The following FREM3 variants were observed in gnomAD, a reference collection of about 807,000 sequenced individuals.
The protein encoded by FREM3 is FRAS1 related extracellular matrix 3, also known as FRAS1-related extracellular matrix protein 3.
In FREM3, 105 loss-of-function variants were observed where a neutral mutation model predicts 129.1. The observed-to-expected ratio is 0.81, with a 90% CI of 0.69 to 0.96. The LOEUF is 0.96. Ranked by LOEUF, FREM3 falls within the 40% of genes least tolerant of loss-of-function variation. The probability of loss-of-function intolerance (pLI) is 0.00; values close to 1 mark genes in which losing one functional copy is unlikely to be tolerated. For missense variants in FREM3, 2,593 were observed against 2,666.3 expected, an observed-to-expected ratio of 0.97 and a Z score of 0.61; for synonymous variants, 1,014 against 1,044.9, an observed-to-expected ratio of 0.97 and a Z score of 0.57.
At chr4:143,672,322 A>G (rs1740013120) in intron 2 of FREM3, among the ~76,000 whole-genome samples, 1 of 152,156 alleles carries the variant, frequency 6.6e-6, no homozygotes, top group Non-Finnish European at 1.5e-5. Context: ...CCAGCAAGAG[A>G]CTTTGTTTGG....
chr4:143,609,846 T>C lies in FREM3; in HGVS notation c.6028+1433A>G, dbSNP rs76411638. Among the ~76,000 whole-genome samples, 28 of 152,316 alleles carry C rather than the reference T, an allele frequency of 1.8e-4. No individual in the cohort carries two copies. In the East Asian group the frequency reaches 5.4e-3, roughly 29 times the overall value. On this transcript the variant is annotated intron_variant, in intron 6 of 7. Coordinates refer to ENST00000329798, the MANE Select transcript of FREM3 (RefSeq NM_001168235.2). ...TGTTGGGAAAACAGCAGATACTTTT[T>C]ATAAGATAACGTGAGTAGTGTTTCT...
intron 2 of FREM3, among the ~76,000 whole-genome samples, chr4:143,629,262 G>A (rs1048960903): frequency 3.9e-5 from 6 of 152,132 alleles, no homozygotes; most frequent in African/African-American, 1.4e-4. Context: ...TACCTTGCTA[G>A]TAAGTAAAGG....
In FREM3 at chr4:143,698,350, TA is replaced by T; in HGVS notation, c.2325del (p.Phe775LeufsTer6). 1.3e-6 allele frequency: 2 copies of T among 1,537,884 alleles called. No homozygotes were observed. Among genetic ancestry groups the T allele is most frequent in the Non-Finnish European group, 1.7e-6 (2 of 1,147,056 alleles). On this transcript the variant is annotated frameshift_variant, in exon 1 of 8. Transcript: ENST00000329798. LOFTEE classifies it high-confidence loss of function. ...TDSPDTLIMH[F>X]TQAQVNQHKV... The stretch of plus-strand genomic sequence containing the variant: ...TTATGCTGATTTACCTGGGCTTGGG[TA>T]AAGTGCATGATGAGTGTGTCTGGTG...
At position 143,691,501 on chromosome 4, in the gene FREM3, G is replaced by A. The variant is rs28652990; in HGVS notation, c.5275+1612C>T. ...TTTTGGATTTCTGAACTCCAGAACT[G>A]TAAGATGACAGATTTGCGTTGGCAG... On this transcript the variant is annotated intron_variant, in intron 2 of 7. Transcript: ENST00000329798. 0.038 allele frequency among the ~76,000 whole-genome samples: 5,830 copies of A among 152,244 alleles called. 681 individuals carry two copies. In the East Asian group the frequency reaches 0.46, roughly 12 times the overall value.
At chr4:143,588,070 C>A (rs1469790966) in intron 6 of FREM3, among the ~76,000 whole-genome samples, 1 of 152,140 alleles carries the variant, frequency 6.6e-6, no homozygotes, top group Non-Finnish European at 1.5e-5. Context: ...CAGTTTATCT[C>A]CCACATTCAG....
chr4:143,677,811 A>G (rs2149858206), intron 2 of FREM3, among the ~76,000 whole-genome samples: 1 of 152,348 alleles, frequency 6.6e-6, no homozygotes, highest in South Asian at 2.1e-4. Context: ...ACTGGCCATC[A>G]GAGAAATGCA....
rs550704469 is a variant in FREM3, at chr4:143,591,218, G to GT, written c.6029-5226dup. Reference sequence around the variant, plus strand: ...CTGGATTCATTGATTTTTTTGAAGGGTTTTTTGTGTCTCTATCTCCTTCAG... The same window carrying GT: ...CTGGATTCATTGATTTTTTTGAAGGGTTTTTTTGTGTCTCTATCTCCTTCAG... On this transcript the variant is annotated intron_variant, in intron 6 of 7. Coordinates refer to ENST00000329798, the MANE Select transcript of FREM3 (RefSeq NM_001168235.2). Among the ~76,000 whole-genome samples the GT allele has an allele frequency of 7.5e-3, 1,145 of 152,136 alleles. 12 individuals are homozygous for GT. Among genetic ancestry groups the GT allele is most frequent in the African/African-American group, 0.026 (1,080 of 41,490 alleles).
intron 2 of FREM3, among the ~76,000 whole-genome samples, chr4:143,662,225 T>A (rs1177270509): frequency 1.3e-5 from 2 of 152,218 alleles, no homozygotes; most frequent in African/African-American, 4.8e-5. Context: ...TGTGGGCATT[T>A]AGTGCTACAA....
intron 6 of FREM3, among the ~76,000 whole-genome samples, chr4:143,587,617 C>T (rs1042698524): frequency 5.9e-5 from 9 of 152,138 alleles, no homozygotes; most frequent in East Asian, 1.9e-4. Context: ...GATGCCTCCA[C>T]GGTTGGGACA....
At chr4:143,586,394 C>A (rs1310776987) in intron 6 of FREM3, among the ~76,000 whole-genome samples, 2 of 152,048 alleles carry the variant, frequency 1.3e-5, no homozygotes, top group African/African-American at 4.8e-5. Context: ...AATTGCTCTT[C>A]CTGTGGAGGG....
chr4:143,649,709 A>C (rs1739478329), intron 2 of FREM3, among the ~76,000 whole-genome samples: 1 of 152,190 alleles, frequency 6.6e-6, no homozygotes, highest in African/African-American at 2.4e-5. Flanking sequence ...ATTGCAAATG[A>C]AACTATATTT....
At chr4:143,695,425 C>G in intron 1 of FREM3, 66 bp downstream of exon 1, 2 of 1,345,830 alleles carry the variant, frequency 1.5e-6, no homozygotes, top group South Asian at 3.0e-5. Context: ...CAATTTTACA[C>G]AAAGCTGAGA....
chr4:143,621,243 A>G (rs1158113801), intron 4 of FREM3, 81 bp from the exon 5 acceptor site: 8 of 1,296,380 alleles, frequency 6.2e-6, no homozygotes, highest in Non-Finnish European at 8.5e-6. Context: ...AGAAATGTAC[A>G]AAGCCTTTGA....
At chr4:143,655,175 T>G (rs1168667431) in intron 2 of FREM3, among the ~76,000 whole-genome samples, 1 of 152,190 alleles carries the variant, frequency 6.6e-6, no homozygotes, top group Non-Finnish European at 1.5e-5. Flanking sequence ...AGTGTACTCC[T>G]CCTTAGGACT....
chr4:143,604,993 G>A (rs1738643956), intron 6 of FREM3, among the ~76,000 whole-genome samples: 1 of 152,078 alleles, frequency 6.6e-6, no homozygotes, highest in Non-Finnish European at 1.5e-5. Flanking sequence ...TCTAATTAAA[G>A]ATCAAATTGG....
intron 2 of FREM3, among the ~76,000 whole-genome samples, chr4:143,666,378 A>G (rs1007388546): frequency 1.3e-5 from 2 of 152,128 alleles, no homozygotes; most frequent in Admixed American, 6.6e-5. Flanking sequence ...GAAATTCTAC[A>G]CTTAGGTATA....
intron 2 of FREM3, among the ~76,000 whole-genome samples, chr4:143,663,229 T>G (rs1356999636): frequency 4.6e-5 from 7 of 152,164 alleles, no homozygotes; most frequent in South Asian, 2.1e-4. Context: ...TACCGGTTGT[T>G]CCTTTCCATG....
chr4:143,690,723 C>A (rs1355056312), intron 2 of FREM3, among the ~76,000 whole-genome samples: 3 of 152,092 alleles, frequency 2.0e-5, no homozygotes, highest in Non-Finnish European at 2.9e-5. Context: ...CACTGTAAAG[C>A]AATGGATTCA....
chr4:143,690,475 G>A (rs1280208913), intron 2 of FREM3, among the ~76,000 whole-genome samples: 1 of 152,196 alleles, frequency 6.6e-6, no homozygotes, highest in South Asian at 2.1e-4. Context: ...GCAGGGCAGG[G>A]TCTTCTTTTA....
Sources: allele counts gnomAD v4.1 joint callset (sites outside exome capture counted in the v4.1 genomes callset), GRCh38; gene constraint gnomAD v4.1.1; transcripts MANE v1.5; gene names NCBI Gene and HGNC (gene_info 2026-07-23, HGNC 2026-07-21).